Variants in TNPO3 observed in about 807,000 individuals in gnomAD.
TNPO3 encodes transportin-3.
Under a neutral mutation model 122.8 loss-of-function variants are expected in TNPO3, and 65 were observed. The observed-to-expected ratio is 0.53, with a 90% CI of 0.43 to 0.65. The LOEUF is 0.65. Among genes scored for constraint, TNPO3 ranks in the 30% least tolerant of loss-of-function variants. TNPO3 has a pLI of 0.00. For synonymous variants in TNPO3, 372 were observed against 411.2 expected, an observed-to-expected ratio of 0.90 and a Z score of 1.15; for missense variants, 850 against 1,136.7, an observed-to-expected ratio of 0.75 and a Z score of 3.63.
Position 128,964,621 on chromosome 7 carries a change from C to T in TNPO3, c.2711+2659G>A, listed in dbSNP as rs530263974. Among the ~76,000 whole-genome samples, 39 of 152,244 alleles carry T rather than the reference C, an allele frequency of 2.6e-4. 2 individuals carry two copies. In the South Asian group the frequency reaches 7.9e-3, roughly 31 times the overall value. Reference sequence around the variant, plus strand: ...AAGTGCTGGGATTACAGGCGTGAGCCACCGCGCCTGGCCACCAAAACAATC... The same window carrying T: ...AAGTGCTGGGATTACAGGCGTGAGCTACCGCGCCTGGCCACCAAAACAATC... On this transcript the variant is annotated intron_variant, in intron 21 of 22. Coordinates refer to ENST00000265388, the MANE Select transcript of TNPO3 (RefSeq NM_012470.4).
intron 16 of TNPO3, among the ~76,000 whole-genome samples, chr7:128,976,189 A>G (rs1799041592): frequency 6.6e-6 from 1 of 152,224 alleles, no homozygotes; most frequent in Admixed American, 6.5e-5. Flanking sequence ...GCTAGAAGCT[A>G]TCAGGGAACT....
chr7:128,973,369 C>G (rs1798681821), intron 18 of TNPO3, among the ~76,000 whole-genome samples: 1 of 152,124 alleles, frequency 6.6e-6, no homozygotes, highest in Non-Finnish European at 1.5e-5. Context: ...GTACAGTATA[C>G]TCCAAACTTG....
chr7:128,959,877 C>T (rs866883474), intron 21 of TNPO3, among the ~76,000 whole-genome samples: 12 of 152,068 alleles, frequency 7.9e-5, no homozygotes, highest in Non-Finnish European at 1.5e-4. Context: ...AAAAATTAGC[C>T]GTGTGTGGTG....
Position 128,960,622 on chromosome 7 carries a change from T to A in TNPO3, c.2712-3307A>T, listed in dbSNP as rs185977465. Among the ~76,000 whole-genome samples the A allele has an allele frequency of 5.5e-3, 834 of 151,732 alleles. 13 individuals are homozygous for A. The highest frequency in any genetic ancestry group is 0.019 in the African/African-American group (799 of 41,440). On this transcript the variant is annotated intron_variant, in intron 21 of 22. Coordinates refer to ENST00000265388, the MANE Select transcript of TNPO3 (RefSeq NM_012470.4). ...AAGAATAGAAAAAAGCTTATAAAGATATAAAGAAAAAATTTTTTAATGAGC... is the reference window on the plus strand; with the variant it reads ...AAGAATAGAAAAAAGCTTATAAAGAAATAAAGAAAAAATTTTTTAATGAGC...
At chr7:129,011,401 T>C (rs1328286385) in intron 4 of TNPO3, among the ~76,000 whole-genome samples, 1 of 152,248 alleles carries the variant, frequency 6.6e-6, no homozygotes, top group African/African-American at 2.4e-5. Flanking sequence ...TGGAGTGCAG[T>C]GGTGCCATCT....
At chr7:129,018,946 T>C (rs1288462258) in intron 1 of TNPO3, among the ~76,000 whole-genome samples, 2 of 152,200 alleles carry the variant, frequency 1.3e-5, no homozygotes, top group Non-Finnish European at 2.9e-5. Context: ...CTTGAACTCC[T>C]GACCTCAGGT....
At chr7:129,008,758 C>G (rs1032072043) in intron 4 of TNPO3, among the ~76,000 whole-genome samples, 5 of 152,156 alleles carry the variant, frequency 3.3e-5, no homozygotes, top group Admixed American at 2.6e-4. Flanking sequence ...CAACCTGTCT[C>G]AAACTCTCAA....
chr7:129,039,557 C>A (rs1807112271), intron 1 of TNPO3, among the ~76,000 whole-genome samples: 1 of 151,166 alleles, frequency 6.6e-6, no homozygotes, highest in East Asian at 1.9e-4. Flanking sequence ...AAGATTCTGT[C>A]TAAAAAAAAA....
intron 10 of TNPO3, 43 bp from the exon 11 acceptor site, chr7:128,990,143 G>C (rs757966219): frequency 6.2e-7 from 1 of 1,612,976 alleles, no homozygotes; most frequent in East Asian, 2.2e-5. Context: ...GATTTCAGAG[G>C]TTATATTCTG....
intron 1 of TNPO3, among the ~76,000 whole-genome samples, chr7:129,020,473 C>T (rs983165026): frequency 2.0e-5 from 3 of 152,188 alleles, no homozygotes; most frequent in Non-Finnish European, 4.4e-5. Flanking sequence ...CAGGGTCTCG[C>T]TCTGTCACCC....
At chr7:128,991,621 C>A (rs1219646632) in intron 10 of TNPO3, among the ~76,000 whole-genome samples, 1 of 151,988 alleles carries the variant, frequency 6.6e-6, no homozygotes, top group Non-Finnish European at 1.5e-5. Flanking sequence ...AATAACTTAC[C>A]CAAGGTCACA....
At chr7:129,022,044 A>T (rs1804579602) in intron 1 of TNPO3, among the ~76,000 whole-genome samples, 1 of 152,194 alleles carries the variant, frequency 6.6e-6, no homozygotes, top group African/African-American at 2.4e-5. Context: ...TCTGAAGAAG[A>T]AAATCAAAAC....
At chr7:128,982,011 G>A (rs974207018) in intron 14 of TNPO3, among the ~76,000 whole-genome samples, 3 of 152,050 alleles carry the variant, frequency 2.0e-5, no homozygotes, top group Non-Finnish European at 2.9e-5. Flanking sequence ...TTACAGGTGT[G>A]AGCCATCGCT....
intron 3 of TNPO3, among the ~76,000 whole-genome samples, chr7:129,015,343 A>T (rs1803716863): frequency 6.7e-6 from 1 of 150,130 alleles, no homozygotes; most frequent in Non-Finnish European, 1.5e-5. Flanking sequence ...TAGCCATTAT[A>T]ATGAACATGA....
chr7:129,005,782 C>CTTTT (rs1186834521), intron 4 of TNPO3, among the ~76,000 whole-genome samples: 6 of 132,264 alleles, frequency 4.5e-5, no homozygotes, highest in Non-Finnish European at 8.1e-5. Context: ...CTTTTCTTTT[C>CTTTT]TTTTTTTTTT....
intron 7 of TNPO3, 120 bp from the exon 8 acceptor site, chr7:128,997,655 A>G: frequency 2.3e-6 from 2 of 857,294 alleles, no homozygotes; most frequent in Non-Finnish European, 3.5e-6. Context: ...GAGTGGAGCC[A>G]GTTAAGAAGT....
In TNPO3 at chr7:129,002,838, G is replaced by A. The variant is rs535541488; in HGVS notation, c.697-1604C>T. ...GAGGCTGAGGCCGGTAGATCACGAG[G>A]TCAGGAGATCGAGACCACGGTGAAA... On this transcript the variant is annotated intron_variant, in intron 5 of 22. Transcript: ENST00000265388. Among the ~76,000 whole-genome samples, 4 of 151,704 alleles carry A rather than the reference G, an allele frequency of 2.6e-5. No individual in the cohort carries two copies. In the South Asian group the frequency reaches 6.3e-4, roughly 24 times the overall value.
chr7:129,037,804 C>T (rs944958348), intron 1 of TNPO3, among the ~76,000 whole-genome samples: 24 of 152,140 alleles, frequency 1.6e-4, no homozygotes, highest in African/African-American at 5.3e-4. Flanking sequence ...CCCTAGGGGA[C>T]AGGCATAAAA....
chr7:129,050,643 T>C (rs894439344), intron 1 of TNPO3, among the ~76,000 whole-genome samples: 4 of 152,120 alleles, frequency 2.6e-5, no homozygotes, highest in African/African-American at 9.7e-5. Context: ...AGGAGTATCA[T>C]GCTGAAAAAC....
Sources: gnomAD v4.1 joint callset for allele counts (sites outside exome capture counted in the v4.1 genomes callset) on GRCh38, gnomAD v4.1.1 for gene constraint, MANE v1.5 for transcripts, NCBI Gene and HGNC (gene_info 2026-07-23, HGNC 2026-07-21) for gene names.